GDPD1: variants seen among roughly 807,000 people sequenced by gnomAD.
The protein encoded by GDPD1 is glycerophosphodiester phosphodiesterase domain containing 1.
A neutral mutation model predicts 45.1 loss-of-function variants in GDPD1; 28 were observed. The ratio of observed to expected loss-of-function variants is 0.62; its 90% CI spans 0.46 to 0.85. The LOEUF (loss-of-function observed/expected upper bound fraction) is 0.85, where lower values mean the gene tolerates loss of function less well. Among genes scored for constraint, GDPD1 ranks in the 40% least tolerant of loss-of-function variants. GDPD1 has a pLI of 0.00. For missense variants in GDPD1, 256 were observed against 364.8 expected (o/e 0.70, Z 2.43); for synonymous variants, 139 against 131.4 (o/e 1.06, Z -0.40).
intron 2 of GDPD1, among the ~76,000 whole-genome samples, chr17:59,236,154 A>G (rs1227898584): frequency 6.6e-6 from 1 of 152,146 alleles, no homozygotes; most frequent in African/African-American, 2.4e-5. Flanking sequence ...ACCATTATTT[A>G]TGAAATTAAA....
chr17:59,241,763 A>G lies in GDPD1; in HGVS notation c.186-3651A>G, dbSNP rs2047177467. On this transcript the variant is annotated intron_variant, in intron 2 of 9. Coordinates refer to ENST00000284116, the MANE Select transcript of GDPD1 (RefSeq NM_182569.4). ...GGCCACATGGTGAAACCTCATCTCT[A>G]CTAAAAATGCAAAAATTAGCTGGGC... 2.0e-5 allele frequency among the ~76,000 whole-genome samples: 3 copies of G among 151,910 alleles called. No individual in the cohort carries two copies. In the South Asian group the frequency reaches 6.2e-4, roughly 32 times the overall value.
intron 6 of GDPD1, among the ~76,000 whole-genome samples, chr17:59,262,739 C>T (rs1021617867): frequency 5.5e-4 from 83 of 151,734 alleles, no homozygotes; most frequent in African/African-American, 2.0e-3. Context: ...GCGATTTTCC[C>T]GCTTCAGCCT....
At chr17:59,243,115 G>T (rs1284606657) in intron 2 of GDPD1, among the ~76,000 whole-genome samples, 2 of 152,078 alleles carry the variant, frequency 1.3e-5, no homozygotes, top group Non-Finnish European at 2.9e-5. Flanking sequence ...CTTGAACCTG[G>T]AAGGCAGAGG....
At chr17:59,230,785 T>G (rs2047083347) in intron 1 of GDPD1, among the ~76,000 whole-genome samples, 1 of 152,204 alleles carries the variant, frequency 6.6e-6, no homozygotes, top group Non-Finnish European at 1.5e-5. Context: ...TTGACAAGTT[T>G]GCCAGGGTCA....
chr17:59,244,260 C>A (rs1024738012), intron 2 of GDPD1, among the ~76,000 whole-genome samples: 1 of 152,146 alleles, frequency 6.6e-6, no homozygotes. Flanking sequence ...TGCACAGTAG[C>A]CTGCCGCTAC....
chr17:59,246,041 A>G (rs1017176164), intron 3 of GDPD1, among the ~76,000 whole-genome samples: 15 of 151,750 alleles, frequency 9.9e-5, no homozygotes, highest in African/African-American at 3.6e-4. Context: ...AATCACTTGA[A>G]TCTGGGAGGT....
At chr17:59,227,002 G>C (rs1431137856) in intron 1 of GDPD1, among the ~76,000 whole-genome samples, 2 of 151,954 alleles carry the variant, frequency 1.3e-5, no homozygotes, top group Admixed American at 1.3e-4. Context: ...TTTTTATTGA[G>C]AGTTTATTGA....
intron 6 of GDPD1, among the ~76,000 whole-genome samples, chr17:59,263,071 G>T (rs1400437554): frequency 6.6e-6 from 1 of 152,144 alleles, no homozygotes. Context: ...GAACAGTAAG[G>T]TACCAATGTC....
In GDPD1 at chr17:59,257,730, A is replaced by G. The variant is rs754382256; in HGVS notation, c.487-21A>G. The G allele has an allele frequency of 2.6e-6, 4 of 1,563,768 alleles. No individual in the cohort carries two copies. In the Admixed American group the frequency reaches 7.3e-5, roughly 28 times the overall value. On this transcript the variant is annotated intron_variant, in intron 5 of 9. Coordinates refer to ENST00000284116, the MANE Select transcript of GDPD1 (RefSeq NM_182569.4). ...ATTTGCAAATAGGCACATGCATAAA[A>G]TTTTGAATTTTCACACGTAGGTTTC...
intron 1 of GDPD1, among the ~76,000 whole-genome samples, chr17:59,226,356 AC>A: frequency 6.6e-6 from 1 of 152,160 alleles, no homozygotes; most frequent in East Asian, 1.9e-4. Context: ...AAAAAAAAAA[AC>A]CTATACCCTT....
At chr17:59,259,753 A>G (rs577981321) in intron 6 of GDPD1, among the ~76,000 whole-genome samples, 75 of 148,788 alleles carry the variant, frequency 5.0e-4, no homozygotes, top group African/African-American at 1.8e-3. Flanking sequence ...AAAAAAAAAA[A>G]GAAAGGAAAA....
chr17:59,241,129 A>G (rs1412809877), intron 2 of GDPD1, among the ~76,000 whole-genome samples: 6 of 152,176 alleles, frequency 3.9e-5, no homozygotes, highest in African/African-American at 1.4e-4. Context: ...AGATTTGTGT[A>G]AGTGCACTCT....
intron 4 of GDPD1, among the ~76,000 whole-genome samples, chr17:59,251,202 C>G (rs2047250612): frequency 6.6e-6 from 1 of 152,210 alleles, no homozygotes; most frequent in Non-Finnish European, 1.5e-5. Context: ...CATTGGAACA[C>G]TATTCCCAAA....
chr17:59,244,995 CA>C (rs1314212484), intron 2 of GDPD1, among the ~76,000 whole-genome samples: 2 of 151,846 alleles, frequency 1.3e-5, no homozygotes, highest in Non-Finnish European at 2.9e-5. Flanking sequence ...GACTCTGTCT[CA>C]AAAAAATAAA....
chr17:59,274,886 G>T lies in GDPD1; in HGVS notation c.*1113G>T, dbSNP rs529594003. Among the ~76,000 whole-genome samples the T allele has an allele frequency of 2.7e-5, 4 of 149,628 alleles. No homozygotes were observed. In the East Asian group the frequency reaches 7.9e-4, roughly 30 times the overall value. On this transcript the variant is annotated 3_prime_UTR_variant, in exon 10 of 10. Transcript: ENST00000284116. ...ACATGTAGTCTTGCTCTGTCGCCGA[G>T]GCCGGAGTGCAGTGGTGCGATCTTG...
chr17:59,234,974 C>CTT (rs35615525), intron 2 of GDPD1, among the ~76,000 whole-genome samples: 13 of 141,464 alleles, frequency 9.2e-5, no homozygotes, highest in African/African-American at 3.1e-4. Flanking sequence ...GAGTGTTGAT[C>CTT]TTTTTTTTTT....
chr17:59,243,724 A>G (rs1042703177), intron 2 of GDPD1, among the ~76,000 whole-genome samples: 1 of 152,218 alleles, frequency 6.6e-6, no homozygotes, highest in African/African-American at 2.4e-5. Context: ...TGAATTCTAT[A>G]TTCTTTGAAT....
At chr17:59,253,167 A>G (rs2047269267) in intron 4 of GDPD1, among the ~76,000 whole-genome samples, 2 of 152,046 alleles carry the variant, frequency 1.3e-5, no homozygotes, top group East Asian at 1.9e-4. Context: ...CCTAACTTGC[A>G]TAGGGGCCAC....
chr17:59,245,160 G>C (rs2047200973), intron 2 of GDPD1, among the ~76,000 whole-genome samples: 1 of 152,158 alleles, frequency 6.6e-6, no homozygotes, highest in Non-Finnish European at 1.5e-5. Context: ...CTTAACTTCA[G>C]ATTCAGTATT....
Sources: gnomAD v4.1 joint callset for allele counts (sites outside exome capture counted in the v4.1 genomes callset) on GRCh38, gnomAD v4.1.1 for gene constraint, MANE v1.5 for transcripts, NCBI Gene and HGNC (gene_info 2026-07-23, HGNC 2026-07-21) for gene names.